Variants in ESCO2 observed in about 807,000 individuals in gnomAD.
ESCO2 encodes establishment of sister chromatid cohesion N-acetyltransferase 2.
In ESCO2, 51 loss-of-function variants were observed where a neutral mutation model predicts 61.7. That is an observed-to-expected ratio of 0.83 (90% CI 0.66 to 1.04). ESCO2 has a LOEUF of 1.04. ESCO2 is among the 50% of genes least tolerant of loss of function. ESCO2 has a pLI of 0.00. For synonymous variants in ESCO2, 230 were observed against 238.2 expected, an observed-to-expected ratio of 0.97 and a Z score of 0.32; for missense variants, 692 against 686.2, an observed-to-expected ratio of 1.01 and a Z score of -0.09.
intron 7 of ESCO2, among the ~76,000 whole-genome samples, 180 bp from the exon 8 acceptor site, chr8:27,791,783 A>G (rs945499687): frequency 6.6e-6 from 1 of 152,204 alleles, no homozygotes; most frequent in African/African-American, 2.4e-5. Context: ...TGTTGAGGCC[A>G]GATACCTGTT....
At position 27,803,337 on chromosome 8, in the gene ESCO2, A is replaced by C; in HGVS notation, c.1705A>C (p.Thr569Pro). The change falls in exon 11 of 11, where the codon ACT (threonine) becomes CCT (proline). Residue 569 changes from threonine to proline, a missense_variant. Thr to Pro is a conservative substitution (Grantham distance 38, BLOSUM62 -1). Coordinates refer to ENST00000305188, the MANE Select transcript of ESCO2 (RefSeq NM_001017420.3). ...NCFMFGCFLS[T>P]DEIAFSDPTP... Reference sequence around the variant, plus strand: ...CTTCATGTTTGGCTGTTTTCTCAGCACTGATGAAATAGCATTTTCTGACCC... The same window carrying C: ...CTTCATGTTTGGCTGTTTTCTCAGCCCTGATGAAATAGCATTTTCTGACCC... 6.2e-7 allele frequency: 1 copy of C among 1,614,116 alleles called. No individual in the cohort carries two copies. Among genetic ancestry groups the C allele is most frequent in the Non-Finnish European group, 8.5e-7 (1 of 1,179,998 alleles).
intron 10 of ESCO2, among the ~76,000 whole-genome samples, chr8:27,801,221 T>A (rs1805416778): frequency 6.6e-6 from 1 of 152,198 alleles, no homozygotes; most frequent in African/African-American, 2.4e-5. Context: ...ATTTACCTAA[T>A]CTAGGTTATA....
downstream of ESCO2, chr8:27,810,500 A>G: frequency 6.3e-7 from 1 of 1,587,298 alleles, no homozygotes; most frequent in Non-Finnish European, 8.6e-7. Context: ...CAAAAGTTTT[A>G]TCTTGAAGGA....
chr8:27,811,238 T>G, downstream of ESCO2: 8 of 915,416 alleles, frequency 8.7e-6, no homozygotes, highest in African/African-American at 1.6e-5. Context: ...GTTCACAGGT[T>G]AATCAGTGTA....
In ESCO2 at chr8:27,785,804, ATTAC is replaced by A. The variant is rs143845634; in HGVS notation, c.1013+1750_1013+1753del. Among the ~76,000 whole-genome samples the A allele has an allele frequency of 2.0e-3, 307 of 152,170 alleles. 1 individual carries two copies. Among genetic ancestry groups the A allele is most frequent in the African/African-American group, 7.1e-3 (293 of 41,524 alleles). ...TTATCAGCAATTTGAGATTTAATCT[ATTAC>A]TTCAGATGATTACAGATTCTCAAAG... On this transcript the variant is annotated intron_variant, in intron 5 of 10. Coordinates refer to ENST00000305188, the MANE Select transcript of ESCO2 (RefSeq NM_001017420.3).
chr8:27,792,612 T>C, intron 8 of ESCO2, 56 bp from the exon 9 acceptor site: 1 of 1,527,666 alleles, frequency 6.5e-7, no homozygotes, highest in Non-Finnish European at 9.0e-7. Context: ...TAAATATGTA[T>C]AGTTTCTATT....
At chr8:27,808,973 T>C (rs1193618899), downstream of ESCO2, among the ~76,000 whole-genome samples, 1 of 152,114 alleles carries the variant, frequency 6.6e-6, no homozygotes, top group Admixed American at 6.5e-5. Flanking sequence ...TCCTATTAGA[T>C]ATCTCAACTG....
At chr8:27,814,876 A>G (rs1805780568), downstream of ESCO2, among the ~76,000 whole-genome samples, 1 of 152,164 alleles carries the variant, frequency 6.6e-6, no homozygotes, top group Non-Finnish European at 1.5e-5. Flanking sequence ...GATTCCTCCC[A>G]TAGTGTCATA....
rs1478638055 is a variant in ESCO2 at position 27,804,834 on chromosome 8, A to T, written c.*1396A>T. ...ATTTCTTTTAAATATTTTATTTAAAATTTTTAATTAACATTTTGTTTGCTT... is the reference window on the plus strand; with the variant it reads ...ATTTCTTTTAAATATTTTATTTAAATTTTTTAATTAACATTTTGTTTGCTT... On this transcript the variant is annotated 3_prime_UTR_variant, in exon 11 of 11. Transcript: ENST00000305188. The T allele has an allele frequency of 5.7e-6, 5 of 884,656 alleles. No individual in the cohort carries two copies. Among genetic ancestry groups the T allele is most frequent in the Non-Finnish European group, 6.8e-6 (5 of 737,954 alleles). The allele number at this position is 884,656 out of a possible 1,614,324, so 54.8% of individuals were successfully genotyped here.
At chr8:27,801,800 A>G (rs535111839) in intron 10 of ESCO2, among the ~76,000 whole-genome samples, 17 of 152,190 alleles carry the variant, frequency 1.1e-4, no homozygotes, top group Admixed American at 5.2e-4. Context: ...TACATATATT[A>G]TGCCCCTTTA....
upstream of ESCO2, chr8:27,774,323 A>G (rs1027103980): frequency 6.6e-6 from 1 of 152,100 alleles, no homozygotes; most frequent in African/African-American, 2.4e-5. Flanking sequence ...GCACCTAAAC[A>G]AGGCCCCGGG....
Position 27,803,454 on chromosome 8 carries a change from T to TA in ESCO2, c.*19dup. Reference sequence around the variant, plus strand: ...TAATAGTTAAAGCTGATTTCAGTTATAAAGGAGTTACTATCTGGATAAGTT... The same window carrying TA: ...TAATAGTTAAAGCTGATTTCAGTTATAAAAGGAGTTACTATCTGGATAAGTT... On this transcript the variant is annotated 3_prime_UTR_variant, in exon 11 of 11. Transcript: ENST00000305188. 6.2e-7 allele frequency: 1 copy of TA among 1,611,986 alleles called. No individual in the cohort carries two copies. The highest frequency in any genetic ancestry group is 1.7e-4 in the Middle Eastern group (1 of 6,052).
chr8:27,787,594 T>A (rs751760170), intron 5 of ESCO2, among the ~76,000 whole-genome samples: 126 of 152,186 alleles, frequency 8.3e-4, no homozygotes, highest in Non-Finnish European at 1.3e-3. Flanking sequence ...TTCCAAAGTG[T>A]GCATCTATGT....
At chr8:27,819,632 A>G in the ESCO2 span, among the ~76,000 whole-genome samples, 1 of 152,120 alleles carries the variant, frequency 6.6e-6, no homozygotes, top group Non-Finnish European at 1.5e-5. Flanking sequence ...AATATGGTCA[A>G]TTTTAATAAA....
chr8:27,776,070 A>G (rs1447091661), intron 2 of ESCO2, among the ~76,000 whole-genome samples: 2 of 152,234 alleles, frequency 1.3e-5, no homozygotes, highest in Admixed American at 1.3e-4. Context: ...GCTATAATTT[A>G]TATATGGCCA....
rs1328875381 is a variant in ESCO2, at chr8:27,775,582, G to A, written c.53+15G>A. 1.2e-6 allele frequency: 2 copies of A among 1,613,724 alleles called. No homozygotes were observed. The highest frequency in any genetic ancestry group is 1.1e-5 in the South Asian group (1 of 91,082). ...AAGTGTGACAGGTGAATCTCAGCCT[G>A]TGAATAGAAACTCTTAGAAAAATCC... On this transcript the variant is annotated intron_variant, in intron 2 of 10. Transcript: ENST00000305188.
At chr8:27,806,482 T>C (rs2128959875), downstream of ESCO2, among the ~76,000 whole-genome samples, 1 of 152,322 alleles carries the variant, frequency 6.6e-6, no homozygotes, top group East Asian at 1.9e-4. Flanking sequence ...CATTTCCATA[T>C]ACATTTTAGA....
At chr8:27,780,375 G>A (rs917908803) in intron 4 of ESCO2, 108 bp downstream of exon 4, 1 of 750,390 alleles carries the variant, frequency 1.3e-6, no homozygotes, top group East Asian at 2.7e-5. Flanking sequence ...TCAGTAGCGT[G>A]CCTGTGGTTA....
Position 27,776,377 on chromosome 8 carries a change from T to C in ESCO2, c.69T>C (p.Thr23=). ...SLKCDSLLHF[T]ENLFPSPNKK... is the part of the protein sequence containing the mutation. ...CTTTTTATAGCCTTTTACACTTCAC[T>C]GAAAATCTGTTTCCATCACCTAATA... The change falls in exon 3 of 11, where the codon ACT becomes ACC. Residue 23 remains threonine, a synonymous_variant. Transcript: ENST00000305188. 1.9e-6 allele frequency: 3 copies of C among 1,605,802 alleles called. No homozygotes were observed. Among genetic ancestry groups the C allele is most frequent in the Non-Finnish European group, 1.7e-6 (2 of 1,175,866 alleles).
Sources: allele counts gnomAD v4.1 joint callset (sites outside exome capture counted in the v4.1 genomes callset), GRCh38; gene constraint gnomAD v4.1.1; transcripts MANE v1.5; gene names NCBI Gene and HGNC (gene_info 2026-07-23, HGNC 2026-07-21).